ICA1L: variants seen among roughly 807,000 people sequenced by gnomAD.
ICA1L encodes islet cell autoantigen 1 like.
ICA1L carries 50 observed loss-of-function variants against 61.3 expected under a neutral mutation model. That is an observed-to-expected ratio of 0.82 (90% confidence interval 0.65 to 1.03). The LOEUF (loss-of-function observed/expected upper bound fraction) is 1.03. ICA1L is among the 50% of genes least tolerant of loss of function. The pLI is 0.00. For missense variants in ICA1L, 508 were observed against 556.7 expected (o/e 0.91, Z 0.88); for synonymous variants, 161 against 191.3 (o/e 0.84, Z 1.31).
chr2:202,815,840 A>G (rs1693517094), intron 7 of ICA1L, 71 bp downstream of exon 7: 3 of 925,644 alleles, frequency 3.2e-6, no homozygotes, highest in African/African-American at 3.5e-5. Flanking sequence ...TTAAAAAAAA[A>G]AAAAGTTTCA....
intron 12 of ICA1L, among the ~76,000 whole-genome samples, chr2:202,782,358 C>T (rs1692434144): frequency 6.6e-6 from 1 of 151,602 alleles, no homozygotes; most frequent in African/African-American, 2.4e-5. Flanking sequence ...AAAACAAAAA[C>T]AAAAACAAAA....
intron 6 of ICA1L, among the ~76,000 whole-genome samples, chr2:202,816,294 G>A (rs1693531981): frequency 6.6e-6 from 1 of 152,068 alleles, no homozygotes; most frequent in Non-Finnish European, 1.5e-5. Context: ...TGAAAACTTA[G>A]GGATCAGAAC....
intron 1 of ICA1L, among the ~76,000 whole-genome samples, chr2:202,833,033 A>G (rs564696945): frequency 8.5e-5 from 13 of 152,310 alleles, no homozygotes; most frequent in Admixed American, 5.2e-4. Context: ...GGATAATACA[A>G]AGAAAACACA....
At chr2:202,810,867 T>C (rs1450762223) in intron 9 of ICA1L, among the ~76,000 whole-genome samples, 1 of 152,188 alleles carries the variant, frequency 6.6e-6, no homozygotes, top group Non-Finnish European at 1.5e-5. Context: ...CCTGGTCTCC[T>C]GTAGCGCTCC....
At chr2:202,815,568 C>T (rs16839323) in intron 7 of ICA1L, among the ~76,000 whole-genome samples, 124,832 of 152,048 alleles carry the variant, frequency 0.82, 51,668 homozygotes, top group Middle Eastern at 0.88. Context: ...CTCTTAAGAT[C>T]TTCCTTTGCA....
chr2:202,794,345 C>CA (rs202022262), intron 10 of ICA1L, among the ~76,000 whole-genome samples: 40,914 of 90,512 alleles, frequency 0.45, 8,319 homozygotes, highest in Middle Eastern at 0.64. Flanking sequence ...GACTCCATCT[C>CA]AAAAAAAAAA....
intron 1 of ICA1L, among the ~76,000 whole-genome samples, chr2:202,839,813 C>G (rs1559144126): frequency 6.6e-6 from 1 of 151,590 alleles, no homozygotes; most frequent in Non-Finnish European, 1.5e-5. Flanking sequence ...CGATTTTTCT[C>G]TAGTGGTATG....
At position 202,779,551 on chromosome 2, in the gene ICA1L, A is replaced by G. The variant is rs1259679305; in HGVS notation, c.1431T>C (p.Asp477=). The G allele has an allele frequency of 1.2e-6, 2 of 1,606,410 alleles. No homozygotes were observed. The highest frequency in any genetic ancestry group is 1.7e-6 in the Non-Finnish European group (2 of 1,174,262). The part of the protein sequence containing the change: ...SNPDAIGHSD[D]ELLNA Reference sequence around the variant, plus strand: ...ACTTCAGTCAAGCATTAAGAAGTTCATCATCTGAGTGTCCAATAGCATCTG... The same window carrying G: ...ACTTCAGTCAAGCATTAAGAAGTTCGTCATCTGAGTGTCCAATAGCATCTG... Residue 477 remains aspartate (D), a synonymous_variant, in exon 13 of 13, where the codon GAT becomes GAC. Coordinates refer to ENST00000358299, the MANE Select transcript of ICA1L (RefSeq NM_001288622.3).
chr2:202,843,472 C>T (rs1694382649), intron 1 of ICA1L, among the ~76,000 whole-genome samples: 1 of 152,174 alleles, frequency 6.6e-6, no homozygotes, highest in African/African-American at 2.4e-5. Flanking sequence ...GCTAAGATCA[C>T]CCCAATCTAT....
rs1694327050 is a variant in ICA1L, at chr2:202,841,460, T to C, written c.-7-12444A>G. ...TTCTGCTGCTCCAGGAATTGTACCT[T>C]GTCTATGGAGGAGGCAAATTTGTTG... On this transcript the variant is annotated intron_variant, in intron 1 of 12. Transcript: ENST00000358299. 5 of 1,007,828 alleles carry C rather than the reference T, an allele frequency of 5.0e-6. No homozygotes were observed. The Admixed American group carries it at 8.5e-5, about 17-fold the overall frequency. 62.4% of individuals were successfully genotyped at this position (1,007,828 alleles called of 1,614,324 possible). A position where few individuals can be genotyped will look rare whatever the true frequency, so the allele number is the denominator to read the frequency against.
intron 10 of ICA1L, among the ~76,000 whole-genome samples, chr2:202,795,757 A>G (rs996789902): frequency 6.6e-6 from 1 of 152,034 alleles, no homozygotes; most frequent in African/African-American, 2.4e-5. Flanking sequence ...AAAATTATAT[A>G]AAGGGCTGGG....
At chr2:202,837,282 GT>G (rs112156340) in intron 1 of ICA1L, among the ~76,000 whole-genome samples, 2 of 149,110 alleles carry the variant, frequency 1.3e-5, no homozygotes, top group Admixed American at 6.7e-5. Context: ...TTCCGTTGTT[GT>G]TTTTTTTTGT....
chr2:202,850,035 T>C (rs1226079620), intron 1 of ICA1L, among the ~76,000 whole-genome samples: 1 of 152,092 alleles, frequency 6.6e-6, no homozygotes, highest in African/African-American at 2.4e-5. Flanking sequence ...CAGCAAACTG[T>C]AGCAGACCTG....
chr2:202,791,511 C>CCAT (rs1158708598), intron 10 of ICA1L, among the ~76,000 whole-genome samples: 1 of 152,186 alleles, frequency 6.6e-6, no homozygotes, highest in Non-Finnish European at 1.5e-5. Context: ...AGTCTCAACA[C>CCAT]CATCAGTCAC....
In ICA1L at chr2:202,862,286, A is replaced by C. The variant is rs1287275525; in HGVS notation, c.-8+9333T>G. ...CCTCATTTCTACAAAAAAAAAAAAA[A>C]AAAAAAAAAAAAAAAAAAAGGCCAG... On this transcript the variant is annotated intron_variant, in intron 1 of 12. Coordinates refer to ENST00000358299, the MANE Select transcript of ICA1L (RefSeq NM_001288622.3). Among the ~76,000 whole-genome samples the C allele has an allele frequency of 3.1e-3, 361 of 117,670 alleles. 7 individuals carry two copies. Among genetic ancestry groups the C allele is most frequent in the African/African-American group, 8.7e-3 (314 of 36,246 alleles). The allele number at this position is 117,670 out of a possible 152,430, so 77.2% of individuals were successfully genotyped here.
Position 202,871,599 on chromosome 2 carries a change from A to C in ICA1L, c.-8+20T>G, listed in dbSNP as rs1687734491. The C allele has an allele frequency of 6.6e-6, 1 of 151,954 alleles. No individual in the cohort carries two copies. Among genetic ancestry groups the C allele is most frequent in the Non-Finnish European group, 1.5e-5 (1 of 67,966 alleles). 9.4% of individuals were successfully genotyped at this position (151,954 alleles called of 1,614,324 possible). On this transcript the variant is annotated intron_variant, in intron 1 of 12. Transcript: ENST00000358299. ...CGCCTGAGGGGGAATAGGGGCGGACAGGAGGCAGCAGAAGCTTACCGGCGC... is the reference window on the plus strand; with the variant it reads ...CGCCTGAGGGGGAATAGGGGCGGACCGGAGGCAGCAGAAGCTTACCGGCGC...
intron 9 of ICA1L, among the ~76,000 whole-genome samples, chr2:202,809,084 G>C (rs1266550532): frequency 6.6e-6 from 1 of 152,122 alleles, no homozygotes; most frequent in East Asian, 1.9e-4. Context: ...ACAGAGATAT[G>C]TGACCTTTCA....
chr2:202,818,997 G>A (rs1424220327), intron 5 of ICA1L, among the ~76,000 whole-genome samples: 6 of 152,232 alleles, frequency 3.9e-5, no homozygotes, highest in African/African-American at 1.4e-4. Context: ...GTCAAAGATT[G>A]TAAAAGGGAT....
intron 9 of ICA1L, among the ~76,000 whole-genome samples, chr2:202,801,016 T>C (rs1693073986): frequency 2.1e-5 from 1 of 46,610 alleles, no homozygotes; most frequent in East Asian, 6.5e-4. Context: ...TAGTTGAATA[T>C]AGGAAAAAAA....
Sources: allele counts gnomAD v4.1 joint callset (sites outside exome capture counted in the v4.1 genomes callset), GRCh38; gene constraint gnomAD v4.1.1; transcripts MANE v1.5; gene names NCBI Gene and HGNC (gene_info 2026-07-23, HGNC 2026-07-21).